Variants in B3GALT1 observed in about 807,000 individuals in gnomAD.
B3GALT1 encodes the protein beta-1,3-galactosyltransferase 1.
B3GALT1 carries 10 observed loss-of-function variants against 23.2 expected under a neutral mutation model. The observed-to-expected ratio is 0.43, with a 90% CI of 0.27 to 0.73. The LOEUF is 0.73. Ranked by LOEUF, B3GALT1 falls within the 30% of genes least tolerant of loss-of-function variation. The pLI, the probability that B3GALT1 is intolerant of heterozygous loss-of-function variation, is 0.21. For synonymous variants in B3GALT1, 156 were observed against 141.5 expected (o/e 1.10, Z -0.73); for missense variants, 299 against 405.4 (o/e 0.74, Z 2.25).
chr2:167,507,212 A>G (rs1699932108), intron 2 of B3GALT1, among the ~76,000 whole-genome samples: 1 of 152,102 alleles, frequency 6.6e-6, no homozygotes, highest in African/African-American at 2.4e-5. Flanking sequence ...GAATATTAAA[A>G]AGTAGAATAA....
chr2:167,746,993 G>A (rs948975979), intron 3 of B3GALT1, among the ~76,000 whole-genome samples: 5 of 151,862 alleles, frequency 3.3e-5, no homozygotes, highest in African/African-American at 7.3e-5. Context: ...GCCCTTTTTC[G>A]CTCCCTTTCT....
chr2:167,601,056 T>C (rs971378373), intron 2 of B3GALT1, among the ~76,000 whole-genome samples: 36 of 135,498 alleles, frequency 2.7e-4, no homozygotes, highest in Non-Finnish European at 3.0e-4. Context: ...AGATCCTCCG[T>C]TTGTTTGTTT....
intron 1 of B3GALT1, among the ~76,000 whole-genome samples, chr2:167,337,034 C>T (rs948686107): frequency 1.3e-5 from 2 of 152,152 alleles, no homozygotes; most frequent in Non-Finnish European, 2.9e-5. Context: ...TACCCTGCCC[C>T]TCTTCCATGG....
intron 3 of B3GALT1, among the ~76,000 whole-genome samples, chr2:167,712,478 G>T (rs536444864): frequency 2.6e-5 from 4 of 151,570 alleles, no homozygotes; most frequent in African/African-American, 9.7e-5. Flanking sequence ...TGGCAGCCTG[G>T]GGGGAAGCAA....
intron 1 of B3GALT1, among the ~76,000 whole-genome samples, chr2:167,352,017 T>A (rs1225339084): frequency 6.7e-6 from 1 of 149,974 alleles, no homozygotes; most frequent in Non-Finnish European, 1.5e-5. Flanking sequence ...TGGAGTGTAG[T>A]GGCACGATCT....
intron 1 of B3GALT1, among the ~76,000 whole-genome samples, chr2:167,314,810 A>G (rs914986916): frequency 2.0e-5 from 3 of 152,116 alleles, no homozygotes; most frequent in Non-Finnish European, 4.4e-5. Context: ...CCTTCTTCTC[A>G]CAAATAAAGG....
intron 1 of B3GALT1, among the ~76,000 whole-genome samples, chr2:167,445,414 T>C (rs1317662851): frequency 1.3e-5 from 2 of 152,178 alleles, no homozygotes; most frequent in Non-Finnish European, 2.9e-5. Flanking sequence ...AATTCCTGGA[T>C]ATCGTTGTTA....
intron 1 of B3GALT1, among the ~76,000 whole-genome samples, chr2:167,465,011 A>G (rs1699322912): frequency 6.6e-6 from 1 of 152,218 alleles, no homozygotes; most frequent in African/African-American, 2.4e-5. Flanking sequence ...TTTAGATTCC[A>G]GACAAGGCAT....
intron 3 of B3GALT1, among the ~76,000 whole-genome samples, chr2:167,798,196 C>G (rs1688576049): frequency 3.3e-5 from 5 of 152,168 alleles, no homozygotes; most frequent in Admixed American, 1.3e-4. Flanking sequence ...AGACCTTTGT[C>G]AGATGGATAG....
At chr2:167,565,087 C>T (rs1349496334) in intron 2 of B3GALT1, among the ~76,000 whole-genome samples, 6 of 152,178 alleles carry the variant, frequency 3.9e-5, no homozygotes, top group Non-Finnish European at 7.3e-5. Context: ...GGAGGCATCA[C>T]GCTACCTGAC....
chr2:167,680,702 G>A (rs560600624), intron 3 of B3GALT1, among the ~76,000 whole-genome samples: 1 of 152,320 alleles, frequency 6.6e-6, no homozygotes. Flanking sequence ...TCTAAGCCAA[G>A]GCTGTTGAAA....
intron 2 of B3GALT1, among the ~76,000 whole-genome samples, chr2:167,491,373 A>C (rs1467801248): frequency 1.3e-5 from 2 of 152,322 alleles, no homozygotes; most frequent in East Asian, 3.9e-4. Context: ...GGGTATCACC[A>C]TAAAAGGCTG....
At chr2:167,805,200 T>G (rs949276393) in intron 3 of B3GALT1, among the ~76,000 whole-genome samples, 32 of 152,352 alleles carry the variant, frequency 2.1e-4, no homozygotes, top group Non-Finnish European at 3.7e-4. Flanking sequence ...TAGATTTGTT[T>G]GAGTTCATTG....
At chr2:167,806,902 C>T (rs1435575819) in intron 3 of B3GALT1, among the ~76,000 whole-genome samples, 2 of 152,158 alleles carry the variant, frequency 1.3e-5, no homozygotes, top group Non-Finnish European at 2.9e-5. Context: ...ACCAGCTCCT[C>T]CTTGTACCTC....
intron 2 of B3GALT1, among the ~76,000 whole-genome samples, chr2:167,593,733 G>A (rs1056127866): frequency 6.6e-6 from 1 of 152,234 alleles, no homozygotes; most frequent in African/African-American, 2.4e-5. Context: ...GGGCAGCCAA[G>A]GTCCCAGCCT....
chr2:167,459,674 A>G (rs1422220057), intron 1 of B3GALT1, among the ~76,000 whole-genome samples: 2 of 152,156 alleles, frequency 1.3e-5, no homozygotes, highest in Non-Finnish European at 2.9e-5. Context: ...ACAATGGTTC[A>G]TGGATTTACC....
At chr2:167,651,840 T>G in intron 3 of B3GALT1, among the ~76,000 whole-genome samples, 1 of 152,146 alleles carries the variant, frequency 6.6e-6, no homozygotes, top group East Asian at 1.9e-4. Flanking sequence ...CTGGGAAACA[T>G]TTAATGGTGT....
chr2:167,723,613 A>G (rs1361022257), intron 3 of B3GALT1, among the ~76,000 whole-genome samples: 4 of 151,540 alleles, frequency 2.6e-5, no homozygotes, highest in Admixed American at 6.6e-5. Context: ...TCACTGCAAC[A>G]TCTGCCTCTT....
At chr2:167,814,588 C>T (rs566716694) in intron 3 of B3GALT1, among the ~76,000 whole-genome samples, 17 of 151,916 alleles carry the variant, frequency 1.1e-4, no homozygotes, top group Non-Finnish European at 2.2e-4. Flanking sequence ...AGTGAAATCC[C>T]GTCTCTACTA....
Sources: allele counts gnomAD v4.1 joint callset (sites outside exome capture counted in the v4.1 genomes callset), GRCh38; gene constraint gnomAD v4.1.1; transcripts MANE v1.5; gene names NCBI Gene and HGNC (gene_info 2026-07-23, HGNC 2026-07-21).